LACC1: variants seen among roughly 807,000 people sequenced by gnomAD.
The protein encoded by LACC1 is purine nucleoside phosphorylase LACC1.
A neutral mutation model predicts 34.8 loss-of-function variants in LACC1; 25 were observed. The ratio of observed to expected loss-of-function variants is 0.72; its 90% CI spans 0.52 to 1.00. The LOEUF (loss-of-function observed/expected upper bound fraction) is 1.00, where lower values mean the gene tolerates loss of function less well. Ranked by LOEUF, LACC1 falls within the 50% of genes least tolerant of loss-of-function variation. The pLI is 0.00. For missense variants in LACC1, 426 were observed against 511.2 expected (o/e 0.83, Z 1.61); for synonymous variants, 162 against 168.0 (o/e 0.96, Z 0.28).
chr13:43,891,071 A>G (rs1955551132), intron 6 of LACC1, among the ~76,000 whole-genome samples: 1 of 152,220 alleles, frequency 6.6e-6, no homozygotes, highest in South Asian at 2.1e-4. Flanking sequence ...TACAGCATGG[A>G]TAACATAAAC....
rs144994239 is a variant in LACC1 at position 43,890,181 on chromosome 13, T to C, written c.1201T>C (p.Cys401Arg). The change falls in exon 6 of 7, where the codon TGT becomes CGT. Residue 401 changes from cysteine (C) to arginine (R), a missense_variant. Coordinates refer to ENST00000325686, the MANE Select transcript of LACC1 (RefSeq NM_153218.4). The part of the protein sequence containing the change: ...IQDQNQDLNL[C>R]TSCHPDKFFS... The stretch of plus-strand genomic sequence containing the variant: ...GGACCAGAACCAAGATCTCAACCTC[T>C]GTACATCTTGCCATCCTGACAAGTT... The C allele has an allele frequency of 6.2e-7, 1 of 1,613,830 alleles. No homozygotes were observed. The highest frequency in any genetic ancestry group is 1.3e-5 in the African/African-American group (1 of 75,046).
intron 5 of LACC1, 60 bp from the exon 6 acceptor site, chr13:43,890,054 A>G (rs1366876763): frequency 3.5e-6 from 5 of 1,429,914 alleles, no homozygotes; most frequent in South Asian, 1.3e-5. Flanking sequence ...TTTTTTTCAT[A>G]TTGCTTTGGC....
intron 4 of LACC1, among the ~76,000 whole-genome samples, chr13:43,885,621 G>C (rs1260737765): frequency 6.6e-6 from 1 of 152,048 alleles, no homozygotes; most frequent in African/African-American, 2.4e-5. Flanking sequence ...ATGGGTTAAA[G>C]ACTTAAACAT....
intron 2 of LACC1, 143 bp downstream of exon 2, chr13:43,881,690 G>A (rs1594885792): frequency 1.5e-6 from 1 of 655,426 alleles, no homozygotes; most frequent in Non-Finnish European, 2.5e-6. Context: ...CAACACAGAG[G>A]TGTCATGTTT....
chr13:43,881,007 G>T lies in LACC1; in HGVS notation c.22G>T (p.Asp8Tyr). Residue 8 changes from aspartate to tyrosine, a missense_variant, in exon 2 of 7, where the codon GAT becomes TAT. Physicochemically the swap from Asp to Tyr is radical, Grantham distance 160. Around this residue, in one of 2 missense-constraint regions of LACC1, gnomAD observed 217 missense variants for 210.9 expected, o/e 1.03. Transcript: ENST00000325686. Reference protein sequence around the residue: MAEAVLIDLFGLKLNSQK... With the variant: MAEAVLIYLFGLKLNSQK... ...AAGGATGGCAGAAGCTGTTTTGATT[G>T]ATCTTTTTGGTTTGAAATTGAACTC... 6.2e-7 allele frequency: 1 copy of T among 1,613,256 alleles called. No individual in the cohort carries two copies. The highest frequency in any genetic ancestry group is 1.1e-5 in the South Asian group (1 of 90,974).
chr13:43,888,972 A>G lies in LACC1; in HGVS notation c.1123A>G (p.Lys375Glu). 1 of 1,611,696 alleles carries G rather than the reference A, an allele frequency of 6.2e-7. No individual in the cohort carries two copies. Among genetic ancestry groups the G allele is most frequent in the Non-Finnish European group, 8.5e-7 (1 of 1,177,858 alleles). The change falls in exon 5 of 7, where the codon AAA (lysine) becomes GAA (glutamate). Residue 375 changes from lysine (K) to glutamate (E), a missense_variant. Transcript: ENST00000325686. ...DSPNPCIDIR[K>E]ATRILLEQGG... The stretch of plus-strand genomic sequence containing the variant: ...ACCAAATCCCTGTATCGACATCCGT[A>G]AAGCCACAAGGTATGTCTGATTTCA...
chr13:43,882,176 C>A lies in LACC1; in HGVS notation c.563-9C>A. 1 of 1,592,188 alleles carries A rather than the reference C, an allele frequency of 6.3e-7. No homozygotes were observed. The highest frequency in any genetic ancestry group is 1.1e-5 in the South Asian group (1 of 87,370). ...CATCTTTTAAATCTTCACTGCTTAT[C>A]TTCAACAGATATTTTCATACATGGA... On this transcript the variant is annotated splice_polypyrimidine_tract_variant and intron_variant, in intron 2 of 6. Transcript: ENST00000325686.
At position 43,893,609 on chromosome 13, in the gene LACC1, C is replaced by T. The variant is rs747292649; in HGVS notation, c.*2162C>T. ...ATATATGTTGTGAGGTTGTGATAAC[C>T]GATTCTTGTTTAGTTTAATTCTATA... On this transcript the variant is annotated 3_prime_UTR_variant, in exon 7 of 7. Coordinates refer to ENST00000325686, the MANE Select transcript of LACC1 (RefSeq NM_153218.4). 30 of 151,806 alleles carry T rather than the reference C, an allele frequency of 2.0e-4. No individual in the cohort carries two copies. Among genetic ancestry groups the T allele is most frequent in the Admixed American group, 1.5e-3 (23 of 15,256 alleles). 9.4% of individuals were successfully genotyped at this position (151,806 alleles called of 1,614,324 possible).
Position 43,890,179 on chromosome 13 carries a change from T to C in LACC1, c.1199T>C (p.Leu400Pro). The C allele has an allele frequency of 6.2e-7, 1 of 1,613,592 alleles. No homozygotes were observed. Among genetic ancestry groups the C allele is most frequent in the Non-Finnish European group, 8.5e-7 (1 of 1,179,568 alleles). Residue 400 changes from leucine to proline, a missense_variant, in exon 6 of 7, where the codon CTC becomes CCC. This residue lies in a region of LACC1 where 209 missense variants were observed against 300.3 expected (regional missense o/e 0.70). Transcript: ENST00000325686. ...NIQDQNQDLN[L>P]CTSCHPDKFF... ...CAGGACCAGAACCAAGATCTCAACC[T>C]CTGTACATCTTGCCATCCTGACAAG...
intron 1 of LACC1, among the ~76,000 whole-genome samples, chr13:43,880,732 A>G (rs1015932111): frequency 2.0e-5 from 3 of 152,238 alleles, no homozygotes; most frequent in Non-Finnish European, 2.9e-5. Context: ...GGAAAGATGT[A>G]CCAGCATTTT....
intron 5 of LACC1, among the ~76,000 whole-genome samples, chr13:43,889,376 G>C (rs1955470374): frequency 6.6e-6 from 1 of 152,070 alleles, no homozygotes; most frequent in Admixed American, 6.5e-5. Flanking sequence ...TAATTAACTA[G>C]AGGAATATGT....
intron 6 of LACC1, 92 bp downstream of exon 6, chr13:43,890,366 C>G (rs1342273041): frequency 4.8e-5 from 49 of 1,019,920 alleles, no homozygotes; most frequent in Non-Finnish European, 6.7e-5. Flanking sequence ...CTCTTTTAGC[C>G]TATTCCTCCC....
intron 2 of LACC1, 41 bp downstream of exon 2, chr13:43,881,588 A>G: frequency 1.4e-6 from 2 of 1,417,952 alleles, no homozygotes; most frequent in Non-Finnish European, 1.9e-6. Context: ...TTGTACATGG[A>G]AAACTAGTCT....
chr13:43,887,836 G>C (rs543548230), intron 4 of LACC1, among the ~76,000 whole-genome samples: 1 of 152,256 alleles, frequency 6.6e-6, no homozygotes, highest in African/African-American at 2.4e-5. Flanking sequence ...TGAAATCCTG[G>C]TGCACTGGTG....
At chr13:43,891,261 C>G (rs1955559124) in intron 6 of LACC1, among the ~76,000 whole-genome samples, 188 bp from the exon 7 acceptor site, 1 of 152,212 alleles carries the variant, frequency 6.6e-6, no homozygotes, top group Non-Finnish European at 1.5e-5. Context: ...TGATTTAGCA[C>G]TGCCCCTATA....
In LACC1 at chr13:43,881,528, C is replaced by A; in HGVS notation, c.543C>A (p.Ile181=). 1 of 1,603,526 alleles carries A rather than the reference C, an allele frequency of 6.2e-7. No homozygotes were observed. Among genetic ancestry groups the A allele is most frequent in the Non-Finnish European group, 8.5e-7 (1 of 1,176,192 alleles). Residue 181 remains isoleucine (I), a synonymous_variant, in exon 2 of 7, where the codon ATC becomes ATA. Coordinates refer to ENST00000325686, the MANE Select transcript of LACC1 (RefSeq NM_153218.4). ...LPALRGKLTI[I]TSSLIPDIFI... ...CACTGAGAGGAAAATTAACTATTAT[C>A]ACTTCTTCTTTGATCCCAGGTATAT...
rs901177263 is a variant in LACC1 at position 43,882,261 on chromosome 13, C to T, written c.639C>T (p.Phe213=). The T allele has an allele frequency of 1.2e-6, 2 of 1,613,586 alleles. No individual in the cohort carries two copies. Among genetic ancestry groups the T allele is most frequent in the African/African-American group, 1.3e-5 (1 of 75,026 alleles). Reference sequence around the variant, plus strand: ...CAACTCTTAGCTCATTCAATCTCTTCAGTAGTTCCAAACGGAGAGATCCCA... The same window carrying T: ...CAACTCTTAGCTCATTCAATCTCTTTAGTAGTTCCAAACGGAGAGATCCCA... ...YIPTLSSFNL[F]SSSKRRDPKV... Residue 213 remains phenylalanine (F), a synonymous_variant, in exon 3 of 7, where the codon TTC becomes TTT. Coordinates refer to ENST00000325686, the MANE Select transcript of LACC1 (RefSeq NM_153218.4).
At chr13:43,883,033 T>A (rs1396338814) in intron 3 of LACC1, among the ~76,000 whole-genome samples, 1 of 152,126 alleles carries the variant, frequency 6.6e-6, no homozygotes, top group East Asian at 1.9e-4. Context: ...TTCTTTGGGA[T>A]GTGGGAGGAA....
Position 43,893,047 on chromosome 13 carries a change from T to C in LACC1, c.*1600T>C, listed in dbSNP as rs2138389124. The C allele has an allele frequency of 6.6e-6, 1 of 152,356 alleles. No individual in the cohort carries two copies. The highest frequency in any genetic ancestry group is 2.1e-4 in the South Asian group (1 of 4,822). 9.4% of individuals were successfully genotyped at this position (152,356 alleles called of 1,614,324 possible). A position where few individuals can be genotyped will look rare whatever the true frequency, so the allele number is the denominator to read the frequency against. ...TTTGGATGAGCAGTTTTGAGTGTGTTTGTCAGTTAAAGAGAGGAATTAGGT... is the reference window on the plus strand; with the variant it reads ...TTTGGATGAGCAGTTTTGAGTGTGTCTGTCAGTTAAAGAGAGGAATTAGGT... On this transcript the variant is annotated 3_prime_UTR_variant, in exon 7 of 7. Coordinates refer to ENST00000325686, the MANE Select transcript of LACC1 (RefSeq NM_153218.4).
Sources: gnomAD v4.1 joint callset for allele counts (sites outside exome capture counted in the v4.1 genomes callset) on GRCh38, gnomAD v4.1.1 for gene constraint, gnomAD v4.1.1 regional missense constraint, MANE v1.5 for transcripts, NCBI Gene and HGNC (gene_info 2026-07-23, HGNC 2026-07-21) for gene names.